GLT1D1: variants seen among roughly 807,000 people sequenced by gnomAD.
GLT1D1 encodes the protein glycosyltransferase 1 domain containing 1.
GLT1D1 carries 21 observed loss-of-function variants against 28.7 expected under a neutral mutation model. That is an observed-to-expected ratio of 0.73 (90% confidence interval 0.52 to 1.05). The LOEUF (loss-of-function observed/expected upper bound fraction) is 1.05, where lower values mean the gene tolerates loss of function less well. Ranked by LOEUF, GLT1D1 falls within the 50% of genes least tolerant of loss-of-function variation. The pLI, the probability that GLT1D1 is intolerant of heterozygous loss-of-function variation, is 0.00. For missense variants in GLT1D1, 343 were observed against 330.6 expected, an observed-to-expected ratio of 1.04 and a Z score of -0.29; for synonymous variants, 147 against 124.8, an observed-to-expected ratio of 1.18 and a Z score of -1.19.
In GLT1D1 at chr12:128,853,574, G is replaced by A; in HGVS notation, c.-8G>A. ...GGGCCGGTCGATGGCCCGGGCGGCG[G>A]CGGCGGCATGCGGCTCCTGTTCCTG... On this transcript the variant is annotated 5_prime_UTR_variant, in exon 1 of 8. Coordinates refer to ENST00000281703, the MANE Select transcript of GLT1D1 (RefSeq NM_144669.3). 1 of 1,114,954 alleles carries A rather than the reference G, an allele frequency of 9.0e-7. No homozygotes were observed. The highest frequency in any genetic ancestry group is 1.1e-6 in the Non-Finnish European group (1 of 910,016). 69.1% of individuals were successfully genotyped at this position (1,114,954 alleles called of 1,614,324 possible).
chr12:128,960,159 C>T (rs991481271), intron 7 of GLT1D1, among the ~76,000 whole-genome samples: 2 of 152,114 alleles, frequency 1.3e-5, no homozygotes, highest in African/African-American at 4.8e-5. Context: ...TTGATTCCAG[C>T]GCTTTCGTGT....
chr12:128,857,002 C>T (rs1321672074), intron 1 of GLT1D1, among the ~76,000 whole-genome samples: 2 of 151,954 alleles, frequency 1.3e-5, no homozygotes, highest in Admixed American at 6.6e-5. Flanking sequence ...GTTGAGTGAC[C>T]GAAGAACCTG....
At position 128,907,327 on chromosome 12, in the gene GLT1D1, A is replaced by T. The variant is rs572680869; in HGVS notation, c.375+8040A>T. 5.3e-3 allele frequency among the ~76,000 whole-genome samples: 714 copies of T among 134,950 alleles called. 1 individual carries two copies. The highest frequency in any genetic ancestry group is 0.019 in the African/African-American group (667 of 35,260). 88.5% of individuals were successfully genotyped at this position (134,950 alleles called of 152,430 possible). On this transcript the variant is annotated intron_variant, in intron 4 of 7. Coordinates refer to ENST00000281703, the MANE Select transcript of GLT1D1 (RefSeq NM_144669.3). The stretch of plus-strand genomic sequence containing the variant: ...TCTTTTTTTTTTTTTTTTTTTTGAG[A>T]CCGAGTCTCGCTTTGTTGCCCAGGC...
At chr12:128,980,238 C>G (rs1478308503) in intron 7 of GLT1D1, among the ~76,000 whole-genome samples, 2 of 152,190 alleles carry the variant, frequency 1.3e-5, no homozygotes, top group African/African-American at 4.8e-5. Flanking sequence ...CTGGGGTCAG[C>G]CCAGGGTGTG....
chr12:128,969,494 G>T (rs551023678), intron 7 of GLT1D1, among the ~76,000 whole-genome samples: 1 of 152,214 alleles, frequency 6.6e-6, no homozygotes, highest in Non-Finnish European at 1.5e-5. Flanking sequence ...GGGCAGGTTT[G>T]CCCCGAGCTG....
At chr12:128,871,258 AT>A (rs1956680637) in intron 1 of GLT1D1, among the ~76,000 whole-genome samples, 1 of 152,126 alleles carries the variant, frequency 6.6e-6, no homozygotes, top group Non-Finnish European at 1.5e-5. Context: ...TGTGTGATGT[AT>A]TTTATATTTT....
At chr12:128,974,770 AT>A (rs1879602698) in intron 7 of GLT1D1, among the ~76,000 whole-genome samples, 1 of 152,208 alleles carries the variant, frequency 6.6e-6, no homozygotes, top group East Asian at 1.9e-4. Flanking sequence ...AATTACTAAA[AT>A]CCCCCAGGTC....
At position 128,905,706 on chromosome 12, in the gene GLT1D1, G is replaced by T. The variant is rs144310849; in HGVS notation, c.375+6419G>T. 3.9e-5 allele frequency among the ~76,000 whole-genome samples: 6 copies of T among 152,258 alleles called. No individual in the cohort carries two copies. The East Asian group carries it at 1.2e-3, about 29-fold the overall frequency. ...CTACTTTGTAAAATATACAATCCTA[G>T]TGGGCTCCTCACCAGGTCAGCATGC... is the stretch of plus-strand genomic sequence containing the variant. On this transcript the variant is annotated intron_variant, in intron 4 of 7. Coordinates refer to ENST00000281703, the MANE Select transcript of GLT1D1 (RefSeq NM_144669.3).
intron 7 of GLT1D1, among the ~76,000 whole-genome samples, chr12:128,974,248 T>A (rs967950605): frequency 1.3e-5 from 2 of 152,184 alleles, no homozygotes; most frequent in African/African-American, 4.8e-5. Flanking sequence ...GGTACCTGGC[T>A]GATGGCCGGA....
rs765354223 is a variant in GLT1D1 at position 128,875,976 on chromosome 12, G to C, written c.131G>C (p.Arg44Pro). Reference sequence around the variant, plus strand: ...AAGGATGCCTTTGACTTTGAAAGCCGATCTGAGATTGCAAACCTCATCTTG... The same window carrying C: ...AAGGATGCCTTTGACTTTGAAAGCCCATCTGAGATTGCAAACCTCATCTTG... Residue 44 changes from arginine (R) to proline (P), a missense_variant, in exon 2 of 8, where the codon CGA becomes CCA. Transcript: ENST00000281703. The C allele has an allele frequency of 3.5e-5, 57 of 1,613,896 alleles. No individual in the cohort carries two copies. In the East Asian group the frequency reaches 1.2e-3, roughly 35 times the overall value.
chr12:128,893,016 C>T (rs1429087976), intron 3 of GLT1D1, among the ~76,000 whole-genome samples: 3 of 152,026 alleles, frequency 2.0e-5, no homozygotes, highest in African/African-American at 7.2e-5. Context: ...GAGGCCGAAG[C>T]GGGTGGATCA....
intron 4 of GLT1D1, among the ~76,000 whole-genome samples, chr12:128,921,918 C>CTT (rs5801829): frequency 1.4e-4 from 20 of 143,860 alleles, no homozygotes; most frequent in South Asian, 2.2e-4. Context: ...TTGACATTTA[C>CTT]TTTTTTTTTT....
At chr12:128,935,488 C>T (rs923714125) in intron 4 of GLT1D1, among the ~76,000 whole-genome samples, 1 of 150,560 alleles carries the variant, frequency 6.6e-6, no homozygotes, top group Non-Finnish European at 1.5e-5. Flanking sequence ...TTGCAGTGAG[C>T]CAAGATTGTG....
rs768702559 is a variant in GLT1D1, at chr12:128,899,246, G to A, written c.334G>A (p.Ala112Thr). The A allele has an allele frequency of 9.3e-6, 15 of 1,612,224 alleles. No homozygotes were observed. Among genetic ancestry groups the A allele is most frequent in the Admixed American group, 5.0e-5 (3 of 59,956 alleles). Residue 112 changes from alanine (A) to threonine (T), a missense_variant, in exon 4 of 8, where the codon GCT (alanine) becomes ACT (threonine). Ala to Thr is a moderately conservative substitution (Grantham distance 58). Transcript: ENST00000281703. ...TTGTTCATTTACTAGATTTGCTGTC[G>A]CTTTCACAGAGTCAATGAAGGAAAT...
Position 128,933,103 on chromosome 12 carries a change from A to G in GLT1D1, c.376-12223A>G, listed in dbSNP as rs1162439045. Among the ~76,000 whole-genome samples the G allele has an allele frequency of 3.3e-5, 5 of 152,230 alleles. No homozygotes were observed. The East Asian group carries it at 9.7e-4, about 29-fold the overall frequency. On this transcript the variant is annotated intron_variant, in intron 4 of 7. Transcript: ENST00000281703. ...CGCTTGTTGTTTGTTTTTTAACCGT[A>G]AGCAGGAAACCACTCCTCTCCGGGA...
chr12:128,977,765 CTTTTTTCTTTTTTCTT>C (rs145415105), intron 7 of GLT1D1, among the ~76,000 whole-genome samples: 49,331 of 141,172 alleles, frequency 0.35, 8,563 homozygotes, highest in East Asian at 0.56. Flanking sequence ...GAGTTCTTTT[CTTTTTTCTTTTTTCTT>C]TTTTTTTTTT....
chr12:128,865,023 A>G (rs1463439495), intron 1 of GLT1D1, among the ~76,000 whole-genome samples: 2 of 152,204 alleles, frequency 1.3e-5, no homozygotes, highest in African/African-American at 4.8e-5. Flanking sequence ...TCATTGCCAA[A>G]GCCTCTTAGC....
chr12:128,942,735 G>GT lies in GLT1D1; in HGVS notation c.376-2588dup, dbSNP rs1397894974. Among the ~76,000 whole-genome samples, 814 of 89,320 alleles carry GT rather than the reference G, an allele frequency of 9.1e-3. 97 individuals carry two copies. The highest frequency in any genetic ancestry group is 0.026 in the African/African-American group (600 of 23,052). The allele number at this position is 89,320 out of a possible 152,430, so 58.6% of individuals were successfully genotyped here. Reference sequence around the variant, plus strand: ...ATCACTTTAGATTCCAATTTTCTTTGTTTGTTTGTTTTTGTTTTTTGTTTT... The same window carrying GT: ...ATCACTTTAGATTCCAATTTTCTTTGTTTTGTTTGTTTTTGTTTTTTGTTTT... On this transcript the variant is annotated intron_variant, in intron 4 of 7. Transcript: ENST00000281703.
intron 6 of GLT1D1, among the ~76,000 whole-genome samples, chr12:128,949,744 TCA>T (rs1876488788): frequency 6.6e-6 from 1 of 151,786 alleles, no homozygotes; most frequent in Admixed American, 6.6e-5. Context: ...ATGATTAGGC[TCA>T]CACACACACG....
Sources: gnomAD v4.1 joint callset for allele counts (sites outside exome capture counted in the v4.1 genomes callset) on GRCh38, gnomAD v4.1.1 for gene constraint, MANE v1.5 for transcripts, NCBI Gene and HGNC (gene_info 2026-07-23, HGNC 2026-07-21) for gene names.